The following BACH2 variants were observed in gnomAD, a reference collection of about 807,000 sequenced individuals.
BACH2 encodes the protein transcription regulator protein BACH2.
In BACH2, 5 loss-of-function variants were observed where a neutral mutation model predicts 61.8. The observed-to-expected ratio is 0.08, with a 90% CI of 0.04 to 0.17. The LOEUF (loss-of-function observed/expected upper bound fraction) is 0.17, where lower values mean the gene tolerates loss of function less well. BACH2 is among the 10% of genes least tolerant of loss of function. The probability of loss-of-function intolerance (pLI) is 1.00; values close to 1 mark genes in which losing one functional copy is unlikely to be tolerated. For missense variants in BACH2, 824 were observed against 1,091.1 expected, an observed-to-expected ratio of 0.76 and a Z score of 3.45; for synonymous variants, 446 against 440.1, an observed-to-expected ratio of 1.01 and a Z score of -0.17.
chr6:90,215,075 G>C (rs1769486516), intron 3 of BACH2, among the ~76,000 whole-genome samples: 1 of 152,056 alleles, frequency 6.6e-6, no homozygotes, highest in African/African-American at 2.4e-5. Flanking sequence ...CTTATTATCA[G>C]CATCTCCTTA....
At chr6:90,195,601 T>C (rs917911554) in intron 4 of BACH2, among the ~76,000 whole-genome samples, 6 of 152,168 alleles carry the variant, frequency 3.9e-5, no homozygotes, top group African/African-American at 1.4e-4. Flanking sequence ...TCAGCGCACT[T>C]TGGGAAGATA....
At chr6:90,073,228 T>C (rs1781319920) in intron 5 of BACH2, among the ~76,000 whole-genome samples, 1 of 152,246 alleles carries the variant, frequency 6.6e-6, no homozygotes, top group Non-Finnish European at 1.5e-5. Context: ...TACTACTGTC[T>C]ATTTTTGTTG....
chr6:90,155,626 G>A (rs1033662855), intron 4 of BACH2, among the ~76,000 whole-genome samples: 5 of 152,072 alleles, frequency 3.3e-5, no homozygotes, highest in Admixed American at 6.6e-5. Flanking sequence ...AGAAATATAG[G>A]AGGCCTACAA....
chr6:90,034,859 C>T (rs1442284050), intron 5 of BACH2, among the ~76,000 whole-genome samples: 1 of 152,092 alleles, frequency 6.6e-6, no homozygotes, highest in African/African-American at 2.4e-5. Context: ...TTAGTAAAGT[C>T]CTTGATAATT....
chr6:90,185,191 C>T (rs1366703626), intron 4 of BACH2, among the ~76,000 whole-genome samples: 1 of 152,070 alleles, frequency 6.6e-6, no homozygotes, highest in Non-Finnish European at 1.5e-5. Flanking sequence ...TATGCAGAGC[C>T]GGGTGAGCTT....
chr6:90,074,553 T>C (rs192490145), intron 5 of BACH2, among the ~76,000 whole-genome samples: 51 of 152,272 alleles, frequency 3.3e-4, no homozygotes, highest in South Asian at 1.9e-3. Context: ...GCAGACATTA[T>C]GGTAATGCAA....
chr6:90,187,625 CAA>C (rs1768407177), intron 4 of BACH2, among the ~76,000 whole-genome samples: 1 of 152,216 alleles, frequency 6.6e-6, no homozygotes, highest in Admixed American at 6.5e-5. Context: ...TCATTCCACT[CAA>C]ACTCATAAAA....
At chr6:90,149,073 A>G (rs1191633326) in intron 4 of BACH2, among the ~76,000 whole-genome samples, 1 of 152,232 alleles carries the variant, frequency 6.6e-6, no homozygotes, top group Non-Finnish European at 1.5e-5. Flanking sequence ...GGGTTGCCCC[A>G]GCAGGGCTGA....
chr6:90,107,727 A>G (rs1049740958), intron 4 of BACH2, among the ~76,000 whole-genome samples: 1 of 134,216 alleles, frequency 7.5e-6, no homozygotes, highest in Non-Finnish European at 1.6e-5. Flanking sequence ...ACTTATTCCT[A>G]TTACTAAATG....
intron 3 of BACH2, among the ~76,000 whole-genome samples, chr6:90,216,700 G>A (rs1218292881): frequency 3.3e-5 from 5 of 152,186 alleles, no homozygotes; most frequent in Admixed American, 6.5e-5. Flanking sequence ...AGCTCATGAC[G>A]TAAAGCGTGA....
chr6:90,111,649 C>T (rs1320296141), intron 4 of BACH2, among the ~76,000 whole-genome samples: 2 of 152,228 alleles, frequency 1.3e-5, no homozygotes, highest in African/African-American at 4.8e-5. Context: ...TTAGGCATTA[C>T]TCAACCTGCC....
intron 4 of BACH2, among the ~76,000 whole-genome samples, chr6:90,198,674 G>C (rs1168306142): frequency 6.6e-6 from 1 of 152,198 alleles, no homozygotes; most frequent in Admixed American, 6.5e-5. Flanking sequence ...TGGGTGCACA[G>C]AGTCTCAGGG....
At chr6:90,102,839 T>TAATAAA (rs751278080) in intron 4 of BACH2, among the ~76,000 whole-genome samples, 16,025 of 122,064 alleles carry the variant, frequency 0.13, 1,381 homozygotes, top group Non-Finnish European at 0.18. Context: ...ATAATAATAA[T>TAATAAA]AAAAATAAAA....
At chr6:90,252,894 T>G (rs914711109) in intron 2 of BACH2, among the ~76,000 whole-genome samples, 5 of 152,226 alleles carry the variant, frequency 3.3e-5, no homozygotes, top group Admixed American at 3.3e-4. Context: ...GCTGCATTAA[T>G]AAAGACACTG....
intron 8 of BACH2, among the ~76,000 whole-genome samples, chr6:89,937,936 C>T (rs774456585): frequency 9.2e-5 from 14 of 152,032 alleles, no homozygotes; most frequent in African/African-American, 1.9e-4. Context: ...CACACCTGCG[C>T]GCATGCATGC....
chr6:90,279,623 A>C (rs1771798938), intron 1 of BACH2, among the ~76,000 whole-genome samples: 1 of 152,124 alleles, frequency 6.6e-6, no homozygotes. Flanking sequence ...ACATTAAGCC[A>C]TAAAGTAGTT....
intron 1 of BACH2, among the ~76,000 whole-genome samples, chr6:90,284,780 G>A (rs1186766204): frequency 6.6e-6 from 1 of 151,828 alleles, no homozygotes; most frequent in Non-Finnish European, 1.5e-5. Context: ...TTCACTAAGA[G>A]CAAGGGCTAA....
At chr6:89,938,028 A>G (rs978292596) in intron 8 of BACH2, 116 bp downstream of exon 8, 2 of 940,570 alleles carry the variant, frequency 2.1e-6, no homozygotes, top group African/African-American at 3.3e-5. Context: ...TAAAAAATAA[A>G]CCCAAACTTC....
At chr6:89,980,907 T>A (rs1192707786) in intron 6 of BACH2, among the ~76,000 whole-genome samples, 2 of 152,172 alleles carry the variant, frequency 1.3e-5, no homozygotes, top group African/African-American at 4.8e-5. Context: ...TTTCAGTTTT[T>A]TTTTTTTTAA....
Sources: allele counts gnomAD v4.1 joint callset (sites outside exome capture counted in the v4.1 genomes callset), GRCh38; gene constraint gnomAD v4.1.1; transcripts MANE v1.5; gene names NCBI Gene and HGNC (gene_info 2026-07-23, HGNC 2026-07-21).